CCDC150: variants seen among roughly 807,000 people sequenced by gnomAD.
CCDC150 encodes coiled-coil domain containing 150, also known as coiled-coil domain-containing protein 150.
A neutral mutation model predicts 156.5 loss-of-function variants in CCDC150; 151 were observed. The ratio of observed to expected loss-of-function variants is 0.97; its 90% CI spans 0.85 to 1.10. The LOEUF (loss-of-function observed/expected upper bound fraction) is 1.10, where lower values mean the gene tolerates loss of function less well. Among genes scored for constraint, CCDC150 ranks in the 50% least tolerant of loss-of-function variants. The pLI is 0.00. For synonymous variants in CCDC150, 452 were observed against 429.4 expected (o/e 1.05, Z -0.65); for missense variants, 1,312 against 1,268.1 (o/e 1.03, Z -0.53).
At chr2:196,706,045 G>A (rs1252665897) in intron 15 of CCDC150, among the ~76,000 whole-genome samples, 1 of 152,154 alleles carries the variant, frequency 6.6e-6, no homozygotes, top group African/African-American at 2.4e-5. Flanking sequence ...GCTCCTTTTT[G>A]GTTCCATATG....
chr2:196,657,526 C>T (rs1422688575), intron 4 of CCDC150: 10 of 179,098 alleles, frequency 5.6e-5, no homozygotes, highest in Non-Finnish European at 2.4e-5. Context: ...TGAATATTGC[C>T]GAGTAAGGGC....
chr2:196,707,365 AT>A (rs1313191414), intron 15 of CCDC150, among the ~76,000 whole-genome samples: 5 of 151,478 alleles, frequency 3.3e-5, no homozygotes, highest in East Asian at 3.9e-4. Flanking sequence ...CCCCTTTATC[AT>A]TTTTTTATTG....
intron 20 of CCDC150, among the ~76,000 whole-genome samples, chr2:196,720,883 TGTCTTATATG>T (rs1196627374): frequency 1.3e-5 from 2 of 152,156 alleles, no homozygotes; most frequent in Admixed American, 6.5e-5. Context: ...CTAAACTCTT[TGTCTTATATG>T]GTCTTATATG....
intron 15 of CCDC150, among the ~76,000 whole-genome samples, chr2:196,701,599 G>A (rs1386796647): frequency 6.6e-6 from 1 of 152,184 alleles, no homozygotes; most frequent in Non-Finnish European, 1.5e-5. Flanking sequence ...GTACCCCAGA[G>A]CAGGAAGCCT....
rs540918569 is a variant in CCDC150 at position 196,689,957 on chromosome 2, G to C, written c.1510-5089G>C. 9.1e-3 allele frequency among the ~76,000 whole-genome samples: 1,391 copies of C among 152,158 alleles called. 11 individuals are homozygous for C. The highest frequency in any genetic ancestry group is 0.014 in the Non-Finnish European group (965 of 67,996). On this transcript the variant is annotated intron_variant, in intron 13 of 27. Coordinates refer to ENST00000389175, the MANE Select transcript of CCDC150 (RefSeq NM_001080539.2). ...TTTATTGAGAGTTTTTAGCATGAAG[G>C]GTTGTTGAATTTTGTCAAAGGCCTT...
chr2:196,717,970 T>G (rs959916363), intron 17 of CCDC150, among the ~76,000 whole-genome samples: 3 of 152,090 alleles, frequency 2.0e-5, no homozygotes, highest in African/African-American at 7.2e-5. Flanking sequence ...AATTATGAAG[T>G]AAAAAGTTTA....
intron 17 of CCDC150, among the ~76,000 whole-genome samples, chr2:196,715,776 GA>G (rs1450820278): frequency 6.6e-6 from 1 of 152,070 alleles, no homozygotes; most frequent in African/African-American, 2.4e-5. Context: ...AACATAGGAA[GA>G]AATCTTTATG....
rs1344466809 is a variant in CCDC150 at position 196,714,053 on chromosome 2, C to T, written c.1866+1314C>T. Among the ~76,000 whole-genome samples, 3 of 151,988 alleles carry T rather than the reference C, an allele frequency of 2.0e-5. No individual in the cohort carries two copies. The East Asian group carries it at 5.8e-4, about 29-fold the overall frequency. On this transcript the variant is annotated intron_variant, in intron 17 of 27. Coordinates refer to ENST00000389175, the MANE Select transcript of CCDC150 (RefSeq NM_001080539.2). ...ATTGGAAAATATTTTCTTGAGAAAA[C>T]TTATTAGAGCATTCATCTTTATCTG...
chr2:196,681,859 C>G (rs1694843751), intron 13 of CCDC150, among the ~76,000 whole-genome samples: 1 of 151,996 alleles, frequency 6.6e-6, no homozygotes, highest in Non-Finnish European at 1.5e-5. Flanking sequence ...ATTTTAGATA[C>G]TACAACCTTA....
intron 1 of CCDC150, among the ~76,000 whole-genome samples, chr2:196,646,017 G>A (rs946372550): frequency 6.6e-6 from 1 of 152,140 alleles, no homozygotes; most frequent in African/African-American, 2.4e-5. Context: ...AACAACATAG[G>A]TTTATTGTAT....
intron 2 of CCDC150, among the ~76,000 whole-genome samples, chr2:196,647,765 A>C (rs1051176777): frequency 1.3e-5 from 2 of 152,200 alleles, no homozygotes; most frequent in African/African-American, 4.8e-5. Context: ...AAAAAGATTT[A>C]AAATTAGTCT....
At chr2:196,677,835 C>G (rs990057283) in intron 13 of CCDC150, among the ~76,000 whole-genome samples, 1 of 151,788 alleles carries the variant, frequency 6.6e-6, no homozygotes, top group Non-Finnish European at 1.5e-5. Context: ...TACTAAAATA[C>G]AAAAATTAGC....
intron 15 of CCDC150, among the ~76,000 whole-genome samples, chr2:196,705,838 A>G (rs892012058): frequency 2.0e-5 from 3 of 152,014 alleles, no homozygotes; most frequent in African/African-American, 7.2e-5. Context: ...TTTTTGTCAG[A>G]TTTGTCAAAG....
intron 21 of CCDC150, among the ~76,000 whole-genome samples, chr2:196,723,859 A>C (rs1160910508): frequency 1.3e-5 from 2 of 152,210 alleles, no homozygotes. Context: ...GCAGGCAAAG[A>C]GGACAATGGT....
chr2:196,666,973 A>C, intron 7 of CCDC150, 125 bp downstream of exon 7: 1 of 981,068 alleles, frequency 1.0e-6, no homozygotes, highest in South Asian at 1.4e-5. Flanking sequence ...GCTGTATGTA[A>C]AACATTGCAG....
chr2:196,724,704 T>C (rs781499909), intron 21 of CCDC150, among the ~76,000 whole-genome samples: 6 of 152,214 alleles, frequency 3.9e-5, no homozygotes, highest in Non-Finnish European at 8.8e-5. Flanking sequence ...CATTTTGATA[T>C]AATCACAATA....
At chr2:196,646,111 AAAGTCCTACCTGGG>A (rs1194589326) in intron 1 of CCDC150, among the ~76,000 whole-genome samples, 13 of 152,184 alleles carry the variant, frequency 8.5e-5, no homozygotes. Flanking sequence ...GTGCCTGGAG[AAAGTCCTACCTGGG>A]ATGTTGCTCA....
chr2:196,652,409 A>G (rs760608194), intron 2 of CCDC150, among the ~76,000 whole-genome samples: 13 of 152,372 alleles, frequency 8.5e-5, no homozygotes, highest in Non-Finnish European at 1.8e-4. Context: ...GAAATTGGCT[A>G]AAAGAAAGGA....
At chr2:196,713,022 C>CTATAAATATT in intron 17 of CCDC150, 1 of 475,860 alleles carries the variant, frequency 2.1e-6, no homozygotes. Context: ...ATCTATACCC[C>CTATAAATATT]TGGTAACCAA....
Sources: allele counts gnomAD v4.1 joint callset (sites outside exome capture counted in the v4.1 genomes callset), GRCh38; gene constraint gnomAD v4.1.1; transcripts MANE v1.5; gene names NCBI Gene and HGNC (gene_info 2026-07-23, HGNC 2026-07-21).